The following KDSR variants were observed in gnomAD, a reference collection of about 807,000 sequenced individuals.
KDSR encodes 3-dehydrosphinganine reductase.
In KDSR, 23 loss-of-function variants were observed where a neutral mutation model predicts 41.3. The ratio of observed to expected loss-of-function variants is 0.56; its 90% CI spans 0.40 to 0.79. KDSR has a LOEUF of 0.79. KDSR is among the 30% of genes least tolerant of loss of function. The probability of loss-of-function intolerance (pLI) is 0.00; values close to 1 mark genes in which losing one functional copy is unlikely to be tolerated. For missense variants in KDSR, 351 were observed against 416.8 expected, an observed-to-expected ratio of 0.84 and a Z score of 1.37; for synonymous variants, 138 against 151.7, an observed-to-expected ratio of 0.91 and a Z score of 0.66.
intron 6 of KDSR, chr18:63,345,957 C>A (rs1051776399): frequency 2.0e-5 from 3 of 150,882 alleles, no homozygotes; most frequent in African/African-American, 4.9e-5. Flanking sequence ...AAAAAAACAA[C>A]AAAAAAACAA....
Position 63,329,892 on chromosome 18 carries a change from C to A in KDSR, c.*1890G>T, listed in dbSNP as rs1913925246. 1 of 192,984 alleles carries A rather than the reference C, an allele frequency of 5.2e-6. No individual in the cohort carries two copies. Among genetic ancestry groups the A allele is most frequent in the Admixed American group, 6.1e-5 (1 of 16,322 alleles). The allele number at this position is 192,984 out of a possible 1,614,324, so 12.0% of individuals were successfully genotyped here. A position where few individuals can be genotyped will look rare whatever the true frequency, so the allele number is the denominator to read the frequency against. The stretch of plus-strand genomic sequence containing the variant: ...TGCAAATTATAAAAAGCTATGATTC[C>A]ATTTTAGCAGCTGCACAACGCAACT... On this transcript the variant is annotated 3_prime_UTR_variant, in exon 10 of 10. Coordinates refer to ENST00000645214, the MANE Select transcript of KDSR (RefSeq NM_002035.4).
chr18:63,344,360 GA>G (rs1706396663), intron 7 of KDSR, 49 bp downstream of exon 7: 6 of 1,275,206 alleles, frequency 4.7e-6, no homozygotes, highest in Middle Eastern at 1.8e-4. Context: ...AAGAAAATCA[GA>G]AAAGCAGTAA....
chr18:63,334,968 T>C (rs1037237117), intron 9 of KDSR, among the ~76,000 whole-genome samples: 10 of 152,306 alleles, frequency 6.6e-5, no homozygotes, highest in Middle Eastern at 6.8e-3. Flanking sequence ...GCAGTGGTTC[T>C]TAGGTGAAAA....
At position 63,350,999 on chromosome 18, in the gene KDSR, GC is replaced by G. The variant is rs752444792; in HGVS notation, c.497del (p.Gly166AlafsTer28). 2 of 1,613,978 alleles carry G rather than the reference GC, an allele frequency of 1.2e-6. No homozygotes were observed. Among genetic ancestry groups the G allele is most frequent in the Non-Finnish European group, 1.7e-6 (2 of 1,179,960 alleles). ...VITTMKERRVGRIVFVSSQAG... is the reference protein window; with the variant it reads ...VITTMKERRVXRIVFVSSQAG... ...CCTGGGAGGACACAAACACGATCCT[GC>G]CCACCCGGCGCTCCTTCATGGTGGT... On this transcript the variant is annotated frameshift_variant, in exon 6 of 10. Coordinates refer to ENST00000645214, the MANE Select transcript of KDSR (RefSeq NM_002035.4). LOFTEE classifies it high-confidence loss of function.
chr18:63,341,228 CAAACA>C (rs1914332276), intron 7 of KDSR, among the ~76,000 whole-genome samples: 1 of 151,922 alleles, frequency 6.6e-6, no homozygotes, highest in African/African-American at 2.4e-5. Context: ...AAGAAATTTT[CAAACA>C]AAACAACAGC....
At chr18:63,353,669 C>A (rs368192548) in intron 5 of KDSR, among the ~76,000 whole-genome samples, 3 of 152,202 alleles carry the variant, frequency 2.0e-5, no homozygotes, top group East Asian at 1.9e-4. Flanking sequence ...GAATGAGGCA[C>A]CCATATATGC....
At position 63,331,195 on chromosome 18, in the gene KDSR, G is replaced by C. The variant is rs968272935; in HGVS notation, c.*587C>G. 4.3e-6 allele frequency: 1 copy of C among 232,908 alleles called. No homozygotes were observed. The highest frequency in any genetic ancestry group is 2.2e-5 in the African/African-American group (1 of 45,228). The allele number at this position is 232,908 out of a possible 1,614,324, so 14.4% of individuals were successfully genotyped here. A position where few individuals can be genotyped will look rare whatever the true frequency, so the allele number is the denominator to read the frequency against. ...CAGAGTGAGTCCTGAGCACAACACA[G>C]GGCTGTCAGTGACATTCAGACTCAC... On this transcript the variant is annotated 3_prime_UTR_variant, in exon 10 of 10. Coordinates refer to ENST00000645214, the MANE Select transcript of KDSR (RefSeq NM_002035.4).
chr18:63,339,528 C>A (rs1418150503), intron 7 of KDSR, among the ~76,000 whole-genome samples: 1 of 152,186 alleles, frequency 6.6e-6, no homozygotes, highest in Non-Finnish European at 1.5e-5. Context: ...GAGCTGCAGA[C>A]CCCAAATCTT....
At chr18:63,338,388 C>T (rs1315698373) in intron 8 of KDSR, among the ~76,000 whole-genome samples, 1 of 152,224 alleles carries the variant, frequency 6.6e-6, no homozygotes, top group East Asian at 1.9e-4. Flanking sequence ...GACAGGAGGA[C>T]AGGCCCACGG....
At chr18:63,337,137 T>TATA (rs61483229) in intron 8 of KDSR, among the ~76,000 whole-genome samples, 1 of 145,722 alleles carries the variant, frequency 6.9e-6, no homozygotes, top group Non-Finnish European at 1.5e-5. Context: ...TATATATATA[T>TATA]GGAGTTTTGC....
chr18:63,359,178 CAAAAAAAAAAAA>C (rs74169959), intron 3 of KDSR, among the ~76,000 whole-genome samples: 10 of 37,114 alleles, frequency 2.7e-4, no homozygotes, highest in African/African-American at 9.2e-4. Flanking sequence ...GACACTGCCT[CAAAAAAAAAAAA>C]AAAAAAAAAA....
chr18:63,338,892 G>C lies in KDSR; in HGVS notation c.694-9C>G. ...AGTCGAGTCTCCAAAGGCTAAAAGT[G>C]GAAAAACATGTACATAACAATATCA... On this transcript the variant is annotated splice_polypyrimidine_tract_variant and intron_variant, in intron 7 of 9. Coordinates refer to ENST00000645214, the MANE Select transcript of KDSR (RefSeq NM_002035.4). The C allele has an allele frequency of 6.5e-7, 1 of 1,546,020 alleles. No homozygotes were observed. Among genetic ancestry groups the C allele is most frequent in the African/African-American group, 1.4e-5 (1 of 72,732 alleles).
chr18:63,347,154 T>C (rs553841284), intron 6 of KDSR, among the ~76,000 whole-genome samples: 1 of 152,042 alleles, frequency 6.6e-6, no homozygotes, highest in African/African-American at 2.4e-5. Flanking sequence ...CTATTACTTC[T>C]TCCCTTCTCC....
At chr18:63,349,784 C>G (rs1914612029) in intron 6 of KDSR, among the ~76,000 whole-genome samples, 1 of 152,238 alleles carries the variant, frequency 6.6e-6, no homozygotes, top group Admixed American at 6.5e-5. Context: ...GGCCCTCTGC[C>G]TGTTTTTTAT....
Position 63,349,657 on chromosome 18 carries a change from T to C in KDSR, c.609+1231A>G, listed in dbSNP as rs566395334. Among the ~76,000 whole-genome samples, 3 of 152,386 alleles carry C rather than the reference T, an allele frequency of 2.0e-5. No individual in the cohort carries two copies. In the East Asian group the frequency reaches 5.8e-4, roughly 29 times the overall value. On this transcript the variant is annotated intron_variant, in intron 6 of 9. Transcript: ENST00000645214. ...ACTGTCGCTGTCCCAGCAGCTCATC[T>C]GTACTGCAACGCTCGTCCCATATCT... is the stretch of plus-strand genomic sequence containing the variant.
intron 6 of KDSR, chr18:63,345,339 C>T: frequency 6.5e-6 from 1 of 152,676 alleles, no homozygotes; most frequent in Non-Finnish European, 1.5e-5. Flanking sequence ...ATACACACAC[C>T]CCCAACAATT....
At chr18:63,360,243 T>C (rs868339635) in intron 2 of KDSR, among the ~76,000 whole-genome samples, 15 of 152,210 alleles carry the variant, frequency 9.9e-5, no homozygotes, top group African/African-American at 3.4e-4. Context: ...AACCCAAACA[T>C]AGTAAGAATC....
intron 6 of KDSR, chr18:63,344,845 ATC>A (rs572742306): frequency 1.7e-4 from 31 of 182,210 alleles, no homozygotes; most frequent in African/African-American, 6.8e-4. Flanking sequence ...ACTGCACAGC[ATC>A]CAAGCCCTTT....
At position 63,327,783 on chromosome 18, in the gene KDSR, A is replaced by G. The variant is rs1001650631; in HGVS notation, c.*3999T>C. On this transcript the variant is annotated 3_prime_UTR_variant, in exon 10 of 10. Coordinates refer to ENST00000645214, the MANE Select transcript of KDSR (RefSeq NM_002035.4). ...TTTTTTTGTTGTGATTCAGAAATAC[A>G]AGGTATGAAAATTAGATTACAATTC... The G allele has an allele frequency of 5.4e-6, 1 of 186,716 alleles. No individual in the cohort carries two copies. The highest frequency in any genetic ancestry group is 1.1e-5 in the Non-Finnish European group (1 of 88,362). The allele number at this position is 186,716 out of a possible 1,614,324, so 11.6% of individuals were successfully genotyped here. A position where few individuals can be genotyped will look rare whatever the true frequency, so the allele number is the denominator to read the frequency against.
Sources: allele counts gnomAD v4.1 joint callset (sites outside exome capture counted in the v4.1 genomes callset), GRCh38; gene constraint gnomAD v4.1.1; transcripts MANE v1.5; gene names NCBI Gene and HGNC (gene_info 2026-07-23, HGNC 2026-07-21).